SERAC1: variants seen among roughly 807,000 people sequenced by gnomAD.
SERAC1 encodes serine active site containing 1.
A neutral mutation model predicts 85.7 loss-of-function variants in SERAC1; 36 were observed. The ratio of observed to expected loss-of-function variants is 0.42; its 90% CI spans 0.32 to 0.55. SERAC1 has a LOEUF of 0.55. Among genes scored for constraint, SERAC1 ranks in the 20% least tolerant of loss-of-function variants. The pLI, the probability that SERAC1 is intolerant of heterozygous loss-of-function variation, is 0.11. For missense variants in SERAC1, 629 were observed against 796.2 expected (o/e 0.79, Z 2.53); for synonymous variants, 242 against 265.3 (o/e 0.91, Z 0.85).
intron 3 of SERAC1, among the ~76,000 whole-genome samples, chr6:158,152,113 G>A (rs1785219762): frequency 6.6e-6 from 1 of 152,154 alleles, no homozygotes; most frequent in African/African-American, 2.4e-5. Context: ...GTGCAGTGGT[G>A]CATGCCTGTA....
In SERAC1 at chr6:158,124,763, A is replaced by G. The variant is rs952907287; in HGVS notation, c.1015+3345T>C. Among the ~76,000 whole-genome samples, 45 of 121,146 alleles carry G rather than the reference A, an allele frequency of 3.7e-4. 1 individual carries two copies. The East Asian group carries it at 0.011, about 30-fold the overall frequency. The allele number at this position is 121,146 out of a possible 152,430, so 79.5% of individuals were successfully genotyped here. ...AATGCTGGAAAACACACACACACAC[A>G]CACACACACACACACACACACACAC... is the stretch of plus-strand genomic sequence containing the variant. On this transcript the variant is annotated intron_variant, in intron 10 of 16. Coordinates refer to ENST00000647468, the MANE Select transcript of SERAC1 (RefSeq NM_032861.4).
At chr6:158,147,768 CAAAAAAAAAAAAAAAA>C (rs71027383) in intron 5 of SERAC1, among the ~76,000 whole-genome samples, 13 of 68,934 alleles carry the variant, frequency 1.9e-4, no homozygotes, top group African/African-American at 2.8e-4. Context: ...GGCTCTGTCT[CAAAAAAAAAAAAAAAA>C]AAAAAAAAAA....
chr6:158,125,986 TAGAA>T (rs762696042), intron 10 of SERAC1, among the ~76,000 whole-genome samples: 8 of 151,752 alleles, frequency 5.3e-5, no homozygotes, highest in Non-Finnish European at 1.2e-4. Flanking sequence ...GAGGGACAAA[TAGAA>T]AGCAAAGAGC....
chr6:158,137,080 T>C (rs2475557), intron 8 of SERAC1, among the ~76,000 whole-genome samples: 80,771 of 150,690 alleles, frequency 0.54, 21,961 homozygotes, highest in African/African-American at 0.63. Flanking sequence ...ATCGCTTGAA[T>C]GCGGGAGATG....
intron 1 of SERAC1, among the ~76,000 whole-genome samples, chr6:158,167,648 TC>T (rs1785637209): frequency 6.6e-6 from 1 of 151,170 alleles, no homozygotes; most frequent in East Asian, 1.9e-4. Flanking sequence ...ATGACAGTGT[TC>T]CTTTAGACTT....
chr6:158,143,345 CTCTATATATATA>C (rs1480128415), intron 7 of SERAC1, among the ~76,000 whole-genome samples, 161 bp from the exon 8 acceptor site: 5,951 of 26,250 alleles, frequency 0.23, 128 homozygotes, highest in East Asian at 0.36. Context: ...CTCTCTCTCT[CTCTATATATATA>C]TATATATATA....
At chr6:158,161,826 T>TG (rs1785494902) in intron 1 of SERAC1, 1 of 151,924 alleles carries the variant, frequency 6.6e-6, no homozygotes, top group Non-Finnish European at 1.5e-5. Context: ...ACTCTAAATC[T>TG]CCTCAGAGCC....
At chr6:158,162,462 A>AC (rs1785509632) in intron 1 of SERAC1, among the ~76,000 whole-genome samples, 1 of 152,114 alleles carries the variant, frequency 6.6e-6, no homozygotes, top group Admixed American at 6.5e-5. Context: ...GTTTTTATAT[A>AC]CCCCACTCAA....
intron 8 of SERAC1, among the ~76,000 whole-genome samples, chr6:158,133,427 C>T (rs13203640): frequency 6.9e-6 from 1 of 144,714 alleles, no homozygotes; most frequent in African/African-American, 2.6e-5. Context: ...TCTCTGTCGC[C>T]CAGGCTGGAG....
intron 16 of SERAC1, 92 bp from the exon 17 acceptor site, chr6:158,111,594 A>G (rs1387825240): frequency 3.0e-6 from 3 of 1,006,514 alleles, no homozygotes; most frequent in Non-Finnish European, 4.2e-6. Flanking sequence ...AGTTCTAGAC[A>G]TTGCTTTGGT....
rs1234686550 is a variant in SERAC1 at position 158,128,260 on chromosome 6, T to G, written c.863A>C (p.His288Pro). The G allele has an allele frequency of 2.5e-6, 4 of 1,613,546 alleles. No individual in the cohort carries two copies. Among genetic ancestry groups the G allele is most frequent in the Non-Finnish European group, 3.4e-6 (4 of 1,179,842 alleles). The change falls in exon 10 of 17, where the codon CAT (histidine) becomes CCT (proline). Residue 288 changes from histidine to proline, a missense_variant. Transcript: ENST00000647468. ...AIVKHSEIST[H>P]CDKIEANGGL... ...TCCATTTGCTTCGATTTTATCACAA[T>G]GTGTGGATATCTGGCACAATAAATA...
At chr6:158,113,631 T>C (rs375906025) in intron 15 of SERAC1, 39 bp from the exon 16 acceptor site, 55 of 1,535,364 alleles carry the variant, frequency 3.6e-5, no homozygotes, top group Non-Finnish European at 4.8e-5. Context: ...ACAAGTTGTT[T>C]ACCCAATTCA....
At chr6:158,124,776 C>T (rs1434071247) in intron 10 of SERAC1, among the ~76,000 whole-genome samples, 1 of 129,954 alleles carries the variant, frequency 7.7e-6, no homozygotes. Context: ...CACACACACA[C>T]ACACACACAC....
Position 158,143,333 on chromosome 6 carries a change from CTCTCTCTCTCTCTCTATA to C in SERAC1, c.610-167_610-150del, listed in dbSNP as rs1284219626. The C allele has an allele frequency of 2.1e-3, 363 of 170,664 alleles. 2 individuals carry two copies. In the African/African-American group the frequency reaches 0.023, roughly 11 times the overall value. 10.6% of individuals were successfully genotyped at this position (170,664 alleles called of 1,614,324 possible). On this transcript the variant is annotated intron_variant, in intron 7 of 16. Transcript: ENST00000647468. ...TCTCTCTCTCTCTCTCTCTCTCTCT[CTCTCTCTCTCTCTCTATA>C]TATATATATATATATATATATATAC...
rs1312589774 is a variant in SERAC1 at position 158,116,198 on chromosome 6, T to G, written c.1488A>C (p.Ser496=). ...GVGDRPVVWI[S]HSMGGLLVKK... ...AGCCACACTTACCTCCCATGCTATGTGATATCCAAACCACTGGCCTATCCC... is the reference window on the plus strand; with the variant it reads ...AGCCACACTTACCTCCCATGCTATGGGATATCCAAACCACTGGCCTATCCC... Residue 496 remains serine (S), a synonymous_variant, in exon 14 of 17, where the codon TCA becomes TCC. Coordinates refer to ENST00000647468, the MANE Select transcript of SERAC1 (RefSeq NM_032861.4). The G allele has an allele frequency of 6.2e-7, 1 of 1,613,990 alleles. No homozygotes were observed. The highest frequency in any genetic ancestry group is 1.1e-5 in the South Asian group (1 of 91,072).
intron 1 of SERAC1, among the ~76,000 whole-genome samples, chr6:158,160,109 T>C (rs1362601422): frequency 2.0e-5 from 3 of 152,208 alleles, no homozygotes; most frequent in Non-Finnish European, 4.4e-5. Flanking sequence ...CAAACGGCCA[T>C]TGAACAGCCT....
chr6:158,131,634 C>T (rs946512637), intron 8 of SERAC1, among the ~76,000 whole-genome samples: 2 of 151,962 alleles, frequency 1.3e-5, no homozygotes, highest in African/African-American at 4.8e-5. Context: ...GCACGCACAG[C>T]ACCCTGCTGC....
At chr6:158,133,731 G>A (rs1162638861) in intron 8 of SERAC1, among the ~76,000 whole-genome samples, 2 of 152,190 alleles carry the variant, frequency 1.3e-5, no homozygotes, top group Non-Finnish European at 1.5e-5. Context: ...AGAGCTCTGT[G>A]ATTTGTGCAA....
At position 158,120,130 on chromosome 6, in the gene SERAC1, C is replaced by T; in HGVS notation, c.1166+295G>A. 6.6e-6 allele frequency among the ~76,000 whole-genome samples: 1 copy of T among 152,110 alleles called. No individual in the cohort carries two copies. The highest frequency in any genetic ancestry group is 1.9e-4 in the East Asian group (1 of 5,198). The stretch of plus-strand genomic sequence containing the variant: ...CAGATCTAAGTGAAAATGCCTTGAA[C>T]CAAAGGAGATATGTATTACAAAGTT... On this transcript the variant is annotated intron_variant, in intron 11 of 16. Coordinates refer to ENST00000647468, the MANE Select transcript of SERAC1 (RefSeq NM_032861.4). The surrounding 1 kb of genome is among the most constrained non-coding windows in gnomAD (Gnocchi z 4.4).
Sources: gnomAD v4.1 joint callset for allele counts (sites outside exome capture counted in the v4.1 genomes callset) on GRCh38, gnomAD v4.1.1 for gene constraint, Gnocchi (gnomAD v3.1) non-coding constraint, MANE v1.5 for transcripts, NCBI Gene and HGNC (gene_info 2026-07-23, HGNC 2026-07-21) for gene names.